ERC2: variants seen among roughly 807,000 people sequenced by gnomAD.
ERC2 encodes ERC protein 2.
A neutral mutation model predicts 114.8 loss-of-function variants in ERC2; 42 were observed. The ratio of observed to expected loss-of-function variants is 0.37; its 90% CI spans 0.29 to 0.47. The LOEUF is 0.47. Ranked by LOEUF, ERC2 falls within the 20% of genes least tolerant of loss-of-function variation. The pLI is 0.99. For synonymous variants in ERC2, 454 were observed against 425.5 expected, an observed-to-expected ratio of 1.07 and a Z score of -0.82; for missense variants, 939 against 1,150.7, an observed-to-expected ratio of 0.82 and a Z score of 2.66.
intron 17 of ERC2, among the ~76,000 whole-genome samples, chr3:55,619,027 A>C (rs1310161307): frequency 6.6e-6 from 1 of 152,198 alleles, no homozygotes; most frequent in East Asian, 1.9e-4. Context: ...AAGTGGGCTC[A>C]AAATCCCAAC....
intron 1 of ERC2, among the ~76,000 whole-genome samples, chr3:56,451,018 A>G (rs868520746): frequency 4.6e-5 from 7 of 152,220 alleles, no homozygotes; most frequent in African/African-American, 1.7e-4. Context: ...GCACTGAAAG[A>G]ATAAATAAGG....
intron 2 of ERC2, among the ~76,000 whole-genome samples, chr3:56,400,289 G>A (rs1342000132): frequency 6.6e-6 from 1 of 152,072 alleles, no homozygotes; most frequent in Non-Finnish European, 1.5e-5. Flanking sequence ...ACAGGTTGAT[G>A]GATTAAGGAA....
intron 17 of ERC2, among the ~76,000 whole-genome samples, chr3:55,551,438 G>T (rs2055201644): frequency 6.6e-6 from 1 of 152,104 alleles, no homozygotes. Context: ...CAGGAGAATT[G>T]GTTGAACCCA....
chr3:56,336,848 A>C (rs2057875243), intron 2 of ERC2, among the ~76,000 whole-genome samples: 1 of 152,148 alleles, frequency 6.6e-6, no homozygotes, highest in South Asian at 2.1e-4. Context: ...GAGGCCTTGG[A>C]AAATGTTTCT....
At chr3:56,224,965 T>C (rs2050154501) in intron 3 of ERC2, among the ~76,000 whole-genome samples, 2 of 152,180 alleles carry the variant, frequency 1.3e-5, no homozygotes, top group South Asian at 4.1e-4. Flanking sequence ...TCTTGGCCTC[T>C]GATAAGAGGG....
chr3:56,269,037 T>C (rs2053496532), intron 3 of ERC2, among the ~76,000 whole-genome samples: 1 of 152,052 alleles, frequency 6.6e-6, no homozygotes, highest in African/African-American at 2.4e-5. Context: ...AAAATTATAA[T>C]AGAAAAAAAA....
intron 7 of ERC2, among the ~76,000 whole-genome samples, chr3:56,064,663 A>G (rs2076391571): frequency 6.6e-6 from 1 of 152,226 alleles, no homozygotes; most frequent in African/African-American, 2.4e-5. Context: ...AGTCTGGAAA[A>G]GAAGTGAACT....
At position 55,652,784 on chromosome 3, in the gene ERC2, C is replaced by T. The variant is rs541601055; in HGVS notation, c.*39+31010G>A. 6.0e-5 allele frequency among the ~76,000 whole-genome samples: 9 copies of T among 149,698 alleles called. No individual in the cohort carries two copies. The South Asian group carries it at 1.7e-3, about 28-fold the overall frequency. ...CTGAGGCAGGAGAATCGTTTGAACC[C>T]GGGAGGCAGAGGTCGAAGTGAGCCA... is the stretch of plus-strand genomic sequence containing the variant. On this transcript the variant is annotated intron_variant, in intron 17 of 17. Coordinates refer to ENST00000288221, the MANE Select transcript of ERC2 (RefSeq NM_015576.3).
At chr3:56,139,146 T>A (rs1281991483) in intron 6 of ERC2, among the ~76,000 whole-genome samples, 1 of 152,220 alleles carries the variant, frequency 6.6e-6, no homozygotes, top group Non-Finnish European at 1.5e-5. Context: ...AAATCTAAAA[T>A]GCTCCGAAGT....
chr3:56,165,556 C>T (rs1054524295), intron 4 of ERC2, among the ~76,000 whole-genome samples: 1 of 148,412 alleles, frequency 6.7e-6, no homozygotes, highest in Non-Finnish European at 1.5e-5. Context: ...GTTTTATCCA[C>T]CCTACTGCTG....
intron 14 of ERC2, among the ~76,000 whole-genome samples, chr3:55,882,431 G>A (rs938754476): frequency 2.6e-5 from 4 of 152,122 alleles, no homozygotes; most frequent in African/African-American, 9.7e-5. Context: ...ACTAAGCCAG[G>A]AATGTTGAGG....
At chr3:56,140,444 G>A (rs1364527089) in intron 5 of ERC2, among the ~76,000 whole-genome samples, 1 of 151,792 alleles carries the variant, frequency 6.6e-6, no homozygotes, top group Non-Finnish European at 1.5e-5. Flanking sequence ...TTCCTACTTT[G>A]CTTTTTTTCC....
chr3:55,920,447 C>CACACACACACACA (rs59688935), intron 13 of ERC2, among the ~76,000 whole-genome samples: 1 of 139,618 alleles, frequency 7.2e-6, no homozygotes, highest in Non-Finnish European at 1.5e-5. Context: ...CACACACACA[C>CACACACACACACA]CCCAAGTGAG....
intron 17 of ERC2, among the ~76,000 whole-genome samples, chr3:55,631,205 A>T (rs2059744144): frequency 1.3e-5 from 2 of 152,116 alleles, no homozygotes; most frequent in East Asian, 3.9e-4. Flanking sequence ...CCTTAATACA[A>T]TTAATTAAGA....
At chr3:55,637,695 T>G (rs1239505340) in intron 17 of ERC2, among the ~76,000 whole-genome samples, 2 of 152,218 alleles carry the variant, frequency 1.3e-5, no homozygotes, top group Non-Finnish European at 2.9e-5. Context: ...TAGTTTTTTT[T>G]GTTAACTCCC....
At chr3:56,167,430 T>C (rs151013461) in intron 4 of ERC2, among the ~76,000 whole-genome samples, 238 of 152,208 alleles carry the variant, frequency 1.6e-3, no homozygotes, top group African/African-American at 5.2e-3. Context: ...GAGTCAAATA[T>C]ATCATAAGAA....
chr3:56,208,303 A>G (rs552591265), intron 3 of ERC2, among the ~76,000 whole-genome samples: 1 of 118,386 alleles, frequency 8.4e-6, no homozygotes, highest in African/African-American at 2.8e-5. Flanking sequence ...AAAGATGGCA[A>G]TTCTAACATT....
At chr3:56,297,277 T>C (rs1327125449) in intron 2 of ERC2, among the ~76,000 whole-genome samples, 1 of 150,264 alleles carries the variant, frequency 6.7e-6, no homozygotes. Flanking sequence ...ATAAGCTACA[T>C]GGAGTTTATA....
intron 17 of ERC2, among the ~76,000 whole-genome samples, chr3:55,536,027 A>G (rs2053981419): frequency 6.6e-6 from 1 of 152,160 alleles, no homozygotes; most frequent in Non-Finnish European, 1.5e-5. Flanking sequence ...AACAACAAAA[A>G]AACAATAGTT....
Sources: allele counts gnomAD v4.1 joint callset (sites outside exome capture counted in the v4.1 genomes callset), GRCh38; gene constraint gnomAD v4.1.1; transcripts MANE v1.5; gene names NCBI Gene and HGNC (gene_info 2026-07-23, HGNC 2026-07-21).